GTF2F2: variants seen among roughly 807,000 people sequenced by gnomAD.
GTF2F2 encodes ATP-dependent helicase GTF2F2.
GTF2F2 carries 23 observed loss-of-function variants against 42.2 expected under a neutral mutation model. The observed-to-expected ratio is 0.55, with a 90% CI of 0.39 to 0.77. The LOEUF (loss-of-function observed/expected upper bound fraction) is 0.77, where lower values mean the gene tolerates loss of function less well. Ranked by LOEUF, GTF2F2 falls within the 30% of genes least tolerant of loss-of-function variation. The pLI is 0.00. For missense variants in GTF2F2, 261 were observed against 287.2 expected (o/e 0.91, Z 0.66); for synonymous variants, 105 against 100.8 (o/e 1.04, Z -0.25).
chr13:45,268,872 A>G (rs1876674850), intron 7 of GTF2F2, among the ~76,000 whole-genome samples: 1 of 152,142 alleles, frequency 6.6e-6, no homozygotes, highest in South Asian at 2.1e-4. Flanking sequence ...GCATCAAAGA[A>G]CAAGTATTAC....
intron 6 of GTF2F2, among the ~76,000 whole-genome samples, chr13:45,262,238 G>A (rs1303849165): frequency 6.6e-6 from 1 of 152,026 alleles, no homozygotes; most frequent in Non-Finnish European, 1.5e-5. Context: ...ACTGGGTATG[G>A]TGTCATGCCC....
At position 45,236,173 on chromosome 13, in the gene GTF2F2, A is replaced by G. The variant is rs1485994387; in HGVS notation, c.387-16698A>G. ...CAAATACATCACACTGGTCTGGCCC[A>G]CTGTCTATGGCCTGCAGTTCCCCTA... On this transcript the variant is annotated intron_variant, in intron 5 of 7. Transcript: ENST00000340473. Among the ~76,000 whole-genome samples, 7 of 152,260 alleles carry G rather than the reference A, an allele frequency of 4.6e-5. No individual in the cohort carries two copies. The East Asian group carries it at 1.3e-3, about 29-fold the overall frequency.
At chr13:45,238,620 A>G (rs985499847) in intron 5 of GTF2F2, among the ~76,000 whole-genome samples, 4 of 151,058 alleles carry the variant, frequency 2.6e-5, no homozygotes, top group African/African-American at 7.4e-5. Context: ...ATAAAGTAGC[A>G]TGACACATCA....
intron 7 of GTF2F2, among the ~76,000 whole-genome samples, chr13:45,270,474 G>A (rs1445331391): frequency 6.6e-6 from 1 of 152,162 alleles, no homozygotes; most frequent in Non-Finnish European, 1.5e-5. Context: ...TGAGGAGGCT[G>A]AGCGTGCTAG....
At chr13:45,230,223 A>T (rs1306257018) in intron 5 of GTF2F2, among the ~76,000 whole-genome samples, 1 of 152,020 alleles carries the variant, frequency 6.6e-6, no homozygotes, top group Non-Finnish European at 1.5e-5. Context: ...CTCAAAATAA[A>T]AAAAAAAAAT....
At chr13:45,243,820 C>A (rs1028899403) in intron 5 of GTF2F2, among the ~76,000 whole-genome samples, 7 of 152,134 alleles carry the variant, frequency 4.6e-5, no homozygotes, top group Non-Finnish European at 1.0e-4. Context: ...GCCACCACAC[C>A]CAGCTAATTT....
At chr13:45,252,820 A>G (rs1875934330) in intron 5 of GTF2F2, 51 bp from the exon 6 acceptor site, 1 of 757,208 alleles carries the variant, frequency 1.3e-6, no homozygotes, top group South Asian at 1.8e-5. Flanking sequence ...AACTCTTCAT[A>G]TTTCACTCTG....
At chr13:45,230,968 A>G (rs769297591) in intron 5 of GTF2F2, among the ~76,000 whole-genome samples, 16 of 152,068 alleles carry the variant, frequency 1.1e-4, no homozygotes, top group Admixed American at 2.6e-4. Context: ...GAGTAGAAGT[A>G]TGTAGAATGC....
intron 5 of GTF2F2, among the ~76,000 whole-genome samples, chr13:45,228,677 T>TTTTTTA: frequency 6.8e-6 from 1 of 146,230 alleles, no homozygotes. Flanking sequence ...ATCTTTTTTT[T>TTTTTTA]TTTTTTTTTT....
chr13:45,183,023 C>T (rs1476857008), intron 4 of GTF2F2, among the ~76,000 whole-genome samples: 2 of 152,044 alleles, frequency 1.3e-5, no homozygotes, highest in Non-Finnish European at 2.9e-5. Flanking sequence ...CACCCCCTTC[C>T]TTCAGTATTA....
chr13:45,243,126 C>T (rs1875403056), intron 5 of GTF2F2, among the ~76,000 whole-genome samples: 1 of 152,174 alleles, frequency 6.6e-6, no homozygotes, highest in South Asian at 2.1e-4. Context: ...AGGACTCCGT[C>T]ACATACCAAA....
At chr13:45,203,464 C>A (rs550376114) in intron 4 of GTF2F2, among the ~76,000 whole-genome samples, 1 of 152,252 alleles carries the variant, frequency 6.6e-6, no homozygotes, top group East Asian at 1.9e-4. Flanking sequence ...TATCTAAATG[C>A]AGACTCTTTC....
chr13:45,227,010 A>T (rs1407353907), intron 5 of GTF2F2, among the ~76,000 whole-genome samples: 8 of 152,128 alleles, frequency 5.3e-5, no homozygotes, highest in Non-Finnish European at 1.0e-4. Context: ...CCAAGGTGGG[A>T]GATCTCTTGA....
chr13:45,271,686 G>C (rs1876802558), intron 7 of GTF2F2, among the ~76,000 whole-genome samples: 2 of 152,102 alleles, frequency 1.3e-5, no homozygotes, highest in South Asian at 4.1e-4. Flanking sequence ...CGAGTAGCTA[G>C]GACTACAGGC....
At chr13:45,239,581 G>A (rs1875176766) in intron 5 of GTF2F2, among the ~76,000 whole-genome samples, 1 of 152,218 alleles carries the variant, frequency 6.6e-6, no homozygotes, top group African/African-American at 2.4e-5. Context: ...GTGGGTGCTT[G>A]TTGTTTCTAA....
At chr13:45,232,333 A>G (rs773916417) in intron 5 of GTF2F2, among the ~76,000 whole-genome samples, 1 of 152,184 alleles carries the variant, frequency 6.6e-6, no homozygotes, top group Non-Finnish European at 1.5e-5. Context: ...GTGAAAATTG[A>G]AAATACTTCT....
intron 5 of GTF2F2, among the ~76,000 whole-genome samples, chr13:45,242,055 C>T (rs537982104): frequency 3.3e-5 from 5 of 152,078 alleles, no homozygotes; most frequent in Admixed American, 6.5e-5. Context: ...AATAGATTGA[C>T]GTATACTTAC....
At chr13:45,208,201 A>G (rs1433736813) in intron 5 of GTF2F2, among the ~76,000 whole-genome samples, 1 of 152,066 alleles carries the variant, frequency 6.6e-6, no homozygotes, top group East Asian at 1.9e-4. Flanking sequence ...ATCTATAGAG[A>G]AATTTTTATA....
At chr13:45,172,009 A>G (rs556368422) in intron 4 of GTF2F2, among the ~76,000 whole-genome samples, 1 of 152,220 alleles carries the variant, frequency 6.6e-6, no homozygotes, top group East Asian at 1.9e-4. Context: ...GTTGATGGAC[A>G]TTTAGATTGT....
Sources: gnomAD v4.1 joint callset for allele counts (sites outside exome capture counted in the v4.1 genomes callset) on GRCh38, gnomAD v4.1.1 for gene constraint, MANE v1.5 for transcripts, NCBI Gene and HGNC (gene_info 2026-07-23, HGNC 2026-07-21) for gene names.